CDH20: variants seen among roughly 807,000 people sequenced by gnomAD.
CDH20 encodes the protein cadherin 20.
Under a neutral mutation model 74.2 loss-of-function variants are expected in CDH20, and 29 were observed. That is an observed-to-expected ratio of 0.39 (90% CI 0.29 to 0.53). The LOEUF is 0.53. Ranked by LOEUF, CDH20 falls within the 20% of genes least tolerant of loss-of-function variation. The pLI is 0.69. For synonymous variants in CDH20, 469 were observed against 405.4 expected (o/e 1.16, Z -1.88); for missense variants, 988 against 1,048.3 (o/e 0.94, Z 0.79).
chr18:61,447,957 C>T (rs1409273612), intron 1 of CDH20, among the ~76,000 whole-genome samples: 1 of 152,186 alleles, frequency 6.6e-6, no homozygotes, highest in Admixed American at 6.5e-5. Context: ...CAGCAGTCCT[C>T]TGGTACTCTT....
chr18:61,532,650 A>G (rs1298872690), intron 7 of CDH20, among the ~76,000 whole-genome samples: 3 of 138,984 alleles, frequency 2.2e-5, no homozygotes, highest in African/African-American at 7.4e-5. Flanking sequence ...ATTCTATTCT[A>G]TTTCATTTTC....
At chr18:61,342,169 C>T (rs1207681346) in intron 1 of CDH20, among the ~76,000 whole-genome samples, 1 of 152,158 alleles carries the variant, frequency 6.6e-6, no homozygotes, top group African/African-American at 2.4e-5. Context: ...AAGTATTATA[C>T]ATTTCTCTGG....
chr18:61,505,207 A>G (rs1911517968), intron 5 of CDH20, among the ~76,000 whole-genome samples: 1 of 152,194 alleles, frequency 6.6e-6, no homozygotes, highest in African/African-American at 2.4e-5. Flanking sequence ...AGGTTATTAC[A>G]TAGCTCAAAG....
At chr18:61,468,434 G>C (rs964845707) in intron 1 of CDH20, among the ~76,000 whole-genome samples, 2 of 152,172 alleles carry the variant, frequency 1.3e-5, no homozygotes, top group East Asian at 3.8e-4. Flanking sequence ...GTGTGTGAGT[G>C]TGTGTGTTTG....
chr18:61,357,208 G>T (rs1910522950), intron 1 of CDH20, among the ~76,000 whole-genome samples: 1 of 152,138 alleles, frequency 6.6e-6, no homozygotes, highest in African/African-American at 2.4e-5. Context: ...CTCCTCTGAA[G>T]GCTTCCTGTT....
At chr18:61,403,018 A>G (rs1438598231) in intron 1 of CDH20, among the ~76,000 whole-genome samples, 1 of 152,180 alleles carries the variant, frequency 6.6e-6, no homozygotes, top group African/African-American at 2.4e-5. Context: ...TCAGACTAAT[A>G]TGGTATAAAT....
At chr18:61,417,093 T>C (rs142040044) in intron 1 of CDH20, among the ~76,000 whole-genome samples, 2 of 152,340 alleles carry the variant, frequency 1.3e-5, no homozygotes, top group African/African-American at 4.8e-5. Context: ...TTTAGTATTA[T>C]TTAATGTCAT....
intron 1 of CDH20, among the ~76,000 whole-genome samples, chr18:61,434,974 A>G (rs1302892344): frequency 6.6e-6 from 1 of 152,180 alleles, no homozygotes; most frequent in Non-Finnish European, 1.5e-5. Context: ...TTATTATGAC[A>G]GTGTCTGGGG....
chr18:61,360,622 G>A (rs1006688178), intron 1 of CDH20, among the ~76,000 whole-genome samples: 7 of 152,214 alleles, frequency 4.6e-5, no homozygotes, highest in African/African-American at 1.7e-4. Flanking sequence ...GCTCTGCCTT[G>A]TGGCACTGAG....
intron 1 of CDH20, among the ~76,000 whole-genome samples, chr18:61,431,668 T>C (rs1913259399): frequency 9.7e-6 from 1 of 102,740 alleles, no homozygotes; most frequent in Admixed American, 1.1e-4. Context: ...ATAGCCCTAT[T>C]ATTTTTTACA....
rs142851024 is a variant in CDH20, at chr18:61,500,977, C to T, written c.661+475C>T. Among the ~76,000 whole-genome samples, 1,061 of 152,296 alleles carry T rather than the reference C, an allele frequency of 7.0e-3. 11 individuals are homozygous for T. Among genetic ancestry groups the T allele is most frequent in the Middle Eastern group, 0.037 (11 of 294 alleles). ...TGGGAAATTGAGAGCTACTAAAGTT[C>T]ATCTAGTGTAGAGAGGTCTCTTGAC... On this transcript the variant is annotated intron_variant, in intron 4 of 11. Coordinates refer to ENST00000262717, the MANE Select transcript of CDH20 (RefSeq NM_031891.4).
At chr18:61,447,617 T>C (rs1243425892) in intron 1 of CDH20, among the ~76,000 whole-genome samples, 1 of 152,218 alleles carries the variant, frequency 6.6e-6, no homozygotes, top group Non-Finnish European at 1.5e-5. Flanking sequence ...GAATTAAAGC[T>C]TAAGGATGCA....
At chr18:61,409,100 A>C (rs539100435) in intron 1 of CDH20, among the ~76,000 whole-genome samples, 4 of 152,338 alleles carry the variant, frequency 2.6e-5, no homozygotes, top group African/African-American at 9.6e-5. Flanking sequence ...CAGAAACTGA[A>C]AATGTCTTTA....
At chr18:61,389,364 A>C (rs1163747288) in intron 1 of CDH20, among the ~76,000 whole-genome samples, 1 of 150,482 alleles carries the variant, frequency 6.6e-6, no homozygotes, top group Admixed American at 6.7e-5. Flanking sequence ...TCTGTTTCCA[A>C]GTTCAATGCC....
chr18:61,335,416 T>G (rs959245239), intron 1 of CDH20, among the ~76,000 whole-genome samples: 4 of 152,178 alleles, frequency 2.6e-5, no homozygotes, highest in Non-Finnish European at 5.9e-5. Flanking sequence ...GAGAACAGTA[T>G]GGCAGAGTTA....
chr18:61,504,849 G>T (rs574191150), intron 5 of CDH20, among the ~76,000 whole-genome samples: 1 of 151,812 alleles, frequency 6.6e-6, no homozygotes, highest in Non-Finnish European at 1.5e-5. Flanking sequence ...CATGCAAATG[G>T]AATACACAAA....
At chr18:61,538,619 T>TG (rs1568182196) in intron 8 of CDH20, among the ~76,000 whole-genome samples, 4 of 53,726 alleles carry the variant, frequency 7.4e-5, no homozygotes, top group East Asian at 2.1e-3. Context: ...TTTTTGTTTT[T>TG]GTTTTGTTTT....
rs1910932829 is a variant in CDH20, at chr18:61,490,777, C to A, written c.224C>A (p.Thr75Asn). 1.2e-6 allele frequency: 2 copies of A among 1,613,972 alleles called. No homozygotes were observed. Among genetic ancestry groups the A allele is most frequent in the Non-Finnish European group, 1.7e-6 (2 of 1,180,018 alleles). The change falls in exon 2 of 12, where the codon ACC (threonine) becomes AAC (asparagine). Residue 75 changes from threonine (T) to asparagine (N), a missense_variant. Coordinates refer to ENST00000262717, the MANE Select transcript of CDH20 (RefSeq NM_031891.4). ...QFFVLEEYTGTDPLYVGKLHS... is the reference protein window; with the variant it reads ...QFFVLEEYTGNDPLYVGKLHS... ...TTCGTTCTGGAAGAGTACACTGGGA[C>A]CGACCCTTTGTATGTCGGCAAGGTA...
chr18:61,379,912 C>T (rs1015219513), intron 1 of CDH20, among the ~76,000 whole-genome samples: 2 of 152,176 alleles, frequency 1.3e-5, no homozygotes, highest in Non-Finnish European at 2.9e-5. Context: ...AGACTTCAGG[C>T]CTTATAGCTA....
Sources: allele counts gnomAD v4.1 joint callset (sites outside exome capture counted in the v4.1 genomes callset), GRCh38; gene constraint gnomAD v4.1.1; transcripts MANE v1.5; gene names NCBI Gene and HGNC (gene_info 2026-07-23, HGNC 2026-07-21).